SHISA9: variants seen among roughly 807,000 people sequenced by gnomAD.
SHISA9 encodes the protein protein shisa-9.
Under a neutral mutation model 38.0 loss-of-function variants are expected in SHISA9, and 13 were observed. That is an observed-to-expected ratio of 0.34 (90% CI 0.22 to 0.54). The LOEUF (loss-of-function observed/expected upper bound fraction) is 0.54. Among genes scored for constraint, SHISA9 ranks in the 20% least tolerant of loss-of-function variants. The pLI, the probability that SHISA9 is intolerant of heterozygous loss-of-function variation, is 0.91. For missense variants in SHISA9, 538 were observed against 575.8 expected (o/e 0.93, Z 0.67); for synonymous variants, 275 against 242.0 (o/e 1.14, Z -1.27).
intron 3 of SHISA9, among the ~76,000 whole-genome samples, chr16:13,205,928 ATT>A (rs79183056): frequency 1.0e-4 from 14 of 139,786 alleles, no homozygotes; most frequent in Admixed American, 1.4e-4. Flanking sequence ...TGCCTGGCTA[ATT>A]TTTTTTTTTT....
At chr16:12,917,407 G>A (rs1425013664) in intron 2 of SHISA9, among the ~76,000 whole-genome samples, 1 of 152,082 alleles carries the variant, frequency 6.6e-6, no homozygotes, top group Non-Finnish European at 1.5e-5. Context: ...AGGTTCCTCT[G>A]TATGATTCAA....
chr16:13,366,358 T>C, the SHISA9 span, among the ~76,000 whole-genome samples: 1 of 152,200 alleles, frequency 6.6e-6, no homozygotes, highest in African/African-American at 2.4e-5. Flanking sequence ...CAAGCAAATG[T>C]GTTTTCATTT....
At chr16:13,181,957 G>A (rs1426009008) in intron 2 of SHISA9, among the ~76,000 whole-genome samples, 1 of 152,180 alleles carries the variant, frequency 6.6e-6, no homozygotes, top group African/African-American at 2.4e-5. Flanking sequence ...TGTTCCATGC[G>A]AGCAATAAGT....
the SHISA9 span, among the ~76,000 whole-genome samples, chr16:13,252,147 G>A: frequency 2.2e-4 from 34 of 152,090 alleles, no homozygotes; most frequent in South Asian, 6.2e-4. Flanking sequence ...TCCATGATCT[G>A]GCCTCCAAAT....
chr16:12,903,941 AT>A (rs35536642), intron 1 of SHISA9, among the ~76,000 whole-genome samples: 9,706 of 148,354 alleles, frequency 0.065, 898 homozygotes, highest in East Asian at 0.5. Flanking sequence ...ATCCGATGAG[AT>A]TTTTTTTTTT....
the SHISA9 span, among the ~76,000 whole-genome samples, chr16:13,435,122 C>G: frequency 2.0e-4 from 30 of 152,304 alleles, no homozygotes; most frequent in Middle Eastern, 6.8e-3. Context: ...AAAACACCAG[C>G]TTCCAGGAAT....
At chr16:13,048,197 C>T (rs183719617) in intron 2 of SHISA9, among the ~76,000 whole-genome samples, 4 of 152,296 alleles carry the variant, frequency 2.6e-5, no homozygotes, top group Admixed American at 2.6e-4. Context: ...CCCATATACT[C>T]CTGTTTTGAT....
At chr16:13,357,885 T>C in the SHISA9 span, among the ~76,000 whole-genome samples, 1 of 152,096 alleles carries the variant, frequency 6.6e-6, no homozygotes, top group Admixed American at 6.5e-5. Context: ...ATGTCATCAG[T>C]TAAGGCAATG....
intron 2 of SHISA9, among the ~76,000 whole-genome samples, chr16:13,103,555 C>T (rs2073899130): frequency 6.6e-6 from 1 of 152,104 alleles, no homozygotes; most frequent in Non-Finnish European, 1.5e-5. Context: ...AACACAGTAA[C>T]CCAACCTGCC....
the SHISA9 span, among the ~76,000 whole-genome samples, chr16:13,360,970 C>T: frequency 5.9e-3 from 902 of 152,336 alleles, 15 homozygotes; most frequent in African/African-American, 0.021. Context: ...ACTTGCTCTA[C>T]TCCTCATTCC....
the SHISA9 span, among the ~76,000 whole-genome samples, chr16:13,420,771 CT>C: frequency 6.6e-6 from 1 of 152,278 alleles, no homozygotes; most frequent in Admixed American, 6.5e-5. Flanking sequence ...ACAAATGCCC[CT>C]GACCCTCAGC....
the SHISA9 span, among the ~76,000 whole-genome samples, chr16:13,256,284 T>G: frequency 6.6e-5 from 10 of 152,184 alleles, no homozygotes; most frequent in Non-Finnish European, 1.2e-4. Context: ...GTGTATGTAT[T>G]TATTTATTTA....
At chr16:13,516,762 C>T in the SHISA9 span, among the ~76,000 whole-genome samples, 317 of 149,326 alleles carry the variant, frequency 2.1e-3, 3 homozygotes, top group African/African-American at 7.4e-3. Flanking sequence ...TGTGCCACTG[C>T]ACTCTAGCCT....
At chr16:13,460,768 G>C in the SHISA9 span, among the ~76,000 whole-genome samples, 1 of 152,132 alleles carries the variant, frequency 6.6e-6, no homozygotes, top group East Asian at 1.9e-4. Context: ...CCTTCTCTCT[G>C]GTGTGACTTG....
At chr16:13,080,659 A>G (rs1337974879) in intron 2 of SHISA9, among the ~76,000 whole-genome samples, 1 of 152,202 alleles carries the variant, frequency 6.6e-6, no homozygotes, top group Non-Finnish European at 1.5e-5. Context: ...TTTAGTTATC[A>G]TTTACCAGAA....
At chr16:13,008,942 C>T (rs531645301) in intron 2 of SHISA9, among the ~76,000 whole-genome samples, 1 of 152,036 alleles carries the variant, frequency 6.6e-6, no homozygotes, top group Admixed American at 6.5e-5. Flanking sequence ...AGTAGGTGGG[C>T]AACATAAGAT....
chr16:13,316,365 T>A, the SHISA9 span, among the ~76,000 whole-genome samples: 1 of 152,170 alleles, frequency 6.6e-6, no homozygotes, highest in South Asian at 2.1e-4. Flanking sequence ...TCTGCTGACC[T>A]CCTTCCCCAG....
chr16:13,259,723 G>A, the SHISA9 span, among the ~76,000 whole-genome samples: 929 of 152,294 alleles, frequency 6.1e-3, 9 homozygotes, highest in African/African-American at 0.02. Flanking sequence ...GGTCCAAGCC[G>A]TATGTTGGCC....
the SHISA9 span, among the ~76,000 whole-genome samples, chr16:13,508,535 G>C: frequency 1.3e-3 from 196 of 152,182 alleles, 2 homozygotes; most frequent in African/African-American, 4.6e-3. Flanking sequence ...TTCCAGGGTG[G>C]GGTGGGAAGT....
Sources: allele counts gnomAD v4.1 joint callset (sites outside exome capture counted in the v4.1 genomes callset), GRCh38; gene constraint gnomAD v4.1.1; transcripts MANE v1.5; gene names NCBI Gene and HGNC (gene_info 2026-07-23, HGNC 2026-07-21).